LRMDA: variants seen among roughly 807,000 people sequenced by gnomAD.
LRMDA encodes the protein leucine-rich melanocyte differentiation-associated protein.
In LRMDA, 18 loss-of-function variants were observed where a neutral mutation model predicts 29.8. The ratio of observed to expected loss-of-function variants is 0.60; its 90% CI spans 0.42 to 0.90. LRMDA has a LOEUF of 0.90. LRMDA is among the 40% of genes least tolerant of loss of function. LRMDA has a pLI of 0.00. For missense variants in LRMDA, 273 were observed against 273.9 expected (o/e 1.00, Z 0.02); for synonymous variants, 125 against 109.4 (o/e 1.14, Z -0.89).
chr10:75,874,444 G>GT (rs1564593397), intron 2 of LRMDA, among the ~76,000 whole-genome samples: 1 of 152,162 alleles, frequency 6.6e-6, no homozygotes, highest in African/African-American at 2.4e-5. Flanking sequence ...GGGCAGAATT[G>GT]TTACAGAAAT....
chr10:75,583,882 T>C (rs1840625072), intron 2 of LRMDA, among the ~76,000 whole-genome samples: 2 of 152,194 alleles, frequency 1.3e-5, no homozygotes, highest in Admixed American at 1.3e-4. Flanking sequence ...CCTCCTGTTT[T>C]AGCAGGCCTA....
intron 2 of LRMDA, among the ~76,000 whole-genome samples, chr10:75,812,236 G>T (rs1843977011): frequency 6.8e-6 from 1 of 147,852 alleles, no homozygotes; most frequent in Non-Finnish European, 1.5e-5. Context: ...TTATGCCGAT[G>T]ACAAGGGATT....
intron 2 of LRMDA, among the ~76,000 whole-genome samples, chr10:75,613,116 A>G (rs1261739883): frequency 6.7e-6 from 1 of 148,634 alleles, no homozygotes. Flanking sequence ...AACCTTGCCA[A>G]TTTTTTTTTT....
chr10:75,617,570 T>C (rs1841120175), intron 2 of LRMDA, among the ~76,000 whole-genome samples: 1 of 152,200 alleles, frequency 6.6e-6, no homozygotes, highest in Admixed American at 6.5e-5. Context: ...AAGTAATCTT[T>C]TTAGTTTGGC....
At chr10:75,546,385 G>A (rs1303271857) in intron 2 of LRMDA, among the ~76,000 whole-genome samples, 1 of 144,080 alleles carries the variant, frequency 6.9e-6, no homozygotes, top group Non-Finnish European at 1.5e-5. Flanking sequence ...TTAAAAATAT[G>A]TGTACACAGG....
intron 3 of LRMDA, among the ~76,000 whole-genome samples, chr10:76,037,308 A>T (rs1848266441): frequency 1.3e-5 from 2 of 152,232 alleles, no homozygotes; most frequent in South Asian, 4.1e-4. Context: ...TGGAGTAGTT[A>T]AACCACTTGT....
At chr10:75,728,072 T>G (rs1244559067) in intron 2 of LRMDA, among the ~76,000 whole-genome samples, 1 of 152,246 alleles carries the variant, frequency 6.6e-6, no homozygotes, top group East Asian at 1.9e-4. Flanking sequence ...GGGGATATTA[T>G]GATCCCAATT....
chr10:76,073,317 T>TATCCTTTTCTAAATGTGTTTAGAA (rs1258339884), intron 5 of LRMDA, among the ~76,000 whole-genome samples: 7 of 152,226 alleles, frequency 4.6e-5, no homozygotes, highest in South Asian at 2.1e-4. Flanking sequence ...TTCCAAACCG[T>TATCCTTTTCTAAATGTGTTTAGAA]ATCCTTTTCT....
intron 6 of LRMDA, among the ~76,000 whole-genome samples, chr10:76,347,552 C>T (rs770131312): frequency 4.2e-4 from 64 of 152,110 alleles, no homozygotes; most frequent in Non-Finnish European, 2.9e-4. Context: ...CTTTCTCACC[C>T]GCTGAGAGCA....
intron 5 of LRMDA, among the ~76,000 whole-genome samples, chr10:76,247,240 G>A (rs1852392925): frequency 6.6e-6 from 1 of 152,300 alleles, no homozygotes; most frequent in African/African-American, 2.4e-5. Context: ...CTGATTTCTA[G>A]TTTGATATTT....
intron 5 of LRMDA, among the ~76,000 whole-genome samples, chr10:76,148,916 A>T (rs1017483328): frequency 1.3e-5 from 2 of 152,192 alleles, no homozygotes; most frequent in Admixed American, 6.5e-5. Flanking sequence ...TTTCTCTTGG[A>T]ATAGAGTCGC....
intron 2 of LRMDA, among the ~76,000 whole-genome samples, chr10:76,019,395 A>G (rs1380974768): frequency 6.6e-6 from 1 of 152,026 alleles, no homozygotes; most frequent in Non-Finnish European, 1.5e-5. Context: ...ATTAGTGCAC[A>G]CTTGAATTGG....
intron 2 of LRMDA, among the ~76,000 whole-genome samples, chr10:75,753,824 C>A (rs12252716): frequency 0.053 from 8,027 of 152,204 alleles, 566 homozygotes; most frequent in African/African-American, 0.16. Context: ...CCAGTTAGCA[C>A]AGTCATTGTG....
chr10:76,121,608 A>AT (rs1491169997), intron 5 of LRMDA, among the ~76,000 whole-genome samples: 1 of 152,106 alleles, frequency 6.6e-6, no homozygotes, highest in Non-Finnish European at 1.5e-5. Context: ...CCTTAATGTC[A>AT]TTCTCCCATG....
chr10:75,601,167 T>C (rs551170714), intron 2 of LRMDA: 3 of 152,256 alleles, frequency 2.0e-5, no homozygotes, highest in Non-Finnish European at 4.4e-5. Flanking sequence ...ACGGGGACTC[T>C]GCGTGTTTGC....
At chr10:75,771,414 C>T (rs941446348) in intron 2 of LRMDA, among the ~76,000 whole-genome samples, 4 of 152,056 alleles carry the variant, frequency 2.6e-5, no homozygotes, top group Admixed American at 2.6e-4. Flanking sequence ...TATGCTGAGG[C>T]GCGTGAATCA....
chr10:75,698,218 G>T (rs946285197), intron 2 of LRMDA, among the ~76,000 whole-genome samples: 3 of 152,122 alleles, frequency 2.0e-5, no homozygotes, highest in Non-Finnish European at 4.4e-5. Context: ...GAGTAGTGCA[G>T]TGTGATCTAG....
At chr10:76,510,060 TTTG>T (rs1163484998) in intron 6 of LRMDA, among the ~76,000 whole-genome samples, 3 of 152,230 alleles carry the variant, frequency 2.0e-5, no homozygotes, top group Non-Finnish European at 2.9e-5. Flanking sequence ...TTTTTCCATT[TTTG>T]TTGTTGTTTG....
chr10:76,162,621 C>A (rs147972621), intron 5 of LRMDA, among the ~76,000 whole-genome samples: 1 of 152,048 alleles, frequency 6.6e-6, no homozygotes. Flanking sequence ...TTTTAAACAG[C>A]CAGATCTCAT....
Sources: allele counts gnomAD v4.1 joint callset (sites outside exome capture counted in the v4.1 genomes callset), GRCh38; gene constraint gnomAD v4.1.1; transcripts MANE v1.5; gene names NCBI Gene and HGNC (gene_info 2026-07-23, HGNC 2026-07-21).